The following HCRTR2 variants were observed in gnomAD, a reference collection of about 807,000 sequenced individuals.
HCRTR2 encodes hypocretin receptor 2, also known as orexin receptor type 2.
HCRTR2 carries 22 observed loss-of-function variants against 49.0 expected under a neutral mutation model. That is an observed-to-expected ratio of 0.45 (90% CI 0.32 to 0.64). The LOEUF is 0.64. Among genes scored for constraint, HCRTR2 ranks in the 30% least tolerant of loss-of-function variants. The probability of loss-of-function intolerance (pLI) is 0.04; values close to 1 mark genes in which losing one functional copy is unlikely to be tolerated. For missense variants in HCRTR2, 491 were observed against 559.4 expected (o/e 0.88, Z 1.23); for synonymous variants, 236 against 205.3 (o/e 1.15, Z -1.28).
At chr6:55,218,493 C>T (rs767456081) in intron 1 of HCRTR2, among the ~76,000 whole-genome samples, 1 of 152,148 alleles carries the variant, frequency 6.6e-6, no homozygotes, top group Admixed American at 6.5e-5. Flanking sequence ...ATACTATATG[C>T]TGTCTACAAG....
chr6:55,172,357 G>A (rs534996274), upstream of HCRTR2, among the ~76,000 whole-genome samples: 3 of 151,484 alleles, frequency 2.0e-5, no homozygotes, highest in South Asian at 4.2e-4. Flanking sequence ...CCTTCCTAAC[G>A]TTTTCCCTAT....
chr6:55,116,611 C>A (rs1764120159), intron 1 of HCRTR2, among the ~76,000 whole-genome samples: 1 of 148,312 alleles, frequency 6.7e-6, no homozygotes. Flanking sequence ...TACAATTGAT[C>A]TAAAAAAAAT....
chr6:55,165,395 TCA>T (rs1277104494), intron 1 of HCRTR2, among the ~76,000 whole-genome samples: 1 of 152,074 alleles, frequency 6.6e-6, no homozygotes, highest in Non-Finnish European at 1.5e-5. Flanking sequence ...TAAAGTCCTT[TCA>T]ATAAAGGTGT....
At chr6:55,161,108 A>T (rs1764799904) in intron 1 of HCRTR2, among the ~76,000 whole-genome samples, 1 of 152,200 alleles carries the variant, frequency 6.6e-6, no homozygotes, top group South Asian at 2.1e-4. Flanking sequence ...GCAAATGCCA[A>T]AGAACTAAAA....
chr6:55,127,973 CA>C (rs1177697742), intron 1 of HCRTR2, among the ~76,000 whole-genome samples: 2 of 152,068 alleles, frequency 1.3e-5, no homozygotes, highest in African/African-American at 4.8e-5. Flanking sequence ...TTGTTTTTGG[CA>C]TCTTTGTCAT....
intron 1 of HCRTR2, among the ~76,000 whole-genome samples, chr6:55,178,214 C>G (rs2127271208): frequency 6.6e-6 from 1 of 152,066 alleles, no homozygotes; most frequent in East Asian, 1.9e-4. Flanking sequence ...TCAGTTTAAA[C>G]ATTAAGTACC....
At chr6:55,196,135 A>G (rs1489901827) in intron 1 of HCRTR2, among the ~76,000 whole-genome samples, 1 of 152,236 alleles carries the variant, frequency 6.6e-6, no homozygotes, top group Non-Finnish European at 1.5e-5. Flanking sequence ...TGTCTTCCCA[A>G]CAACTACACT....
At chr6:55,210,930 C>T (rs138985621) in intron 1 of HCRTR2, among the ~76,000 whole-genome samples, 2 of 152,256 alleles carry the variant, frequency 1.3e-5, no homozygotes, top group East Asian at 1.9e-4. Context: ...TTTTGGTCAA[C>T]GACAGACTGC....
At chr6:55,223,346 T>G (rs1274552043) in intron 1 of HCRTR2, among the ~76,000 whole-genome samples, 1 of 152,180 alleles carries the variant, frequency 6.6e-6, no homozygotes, top group Non-Finnish European at 1.5e-5. Flanking sequence ...CATAAGTTGA[T>G]TCTATTCTCC....
At chr6:55,109,819 T>G (rs1230471387) in intron 1 of HCRTR2, among the ~76,000 whole-genome samples, 1 of 152,274 alleles carries the variant, frequency 6.6e-6, no homozygotes, top group Non-Finnish European at 1.5e-5. Flanking sequence ...TGAGGAAAAC[T>G]TCTCTGGAGG....
intron 1 of HCRTR2, among the ~76,000 whole-genome samples, chr6:55,183,159 A>T (rs1464955383): frequency 6.6e-6 from 1 of 152,216 alleles, no homozygotes; most frequent in Non-Finnish European, 1.5e-5. Context: ...ATACTTTTAA[A>T]ATAACGTGGT....
At chr6:55,204,784 C>T (rs1257061652) in intron 1 of HCRTR2, among the ~76,000 whole-genome samples, 1 of 152,034 alleles carries the variant, frequency 6.6e-6, no homozygotes, top group African/African-American at 2.4e-5. Context: ...TTCCCCTCCC[C>T]TCCCCTCCCC....
intron 1 of HCRTR2, among the ~76,000 whole-genome samples, chr6:55,111,138 T>C (rs1764043325): frequency 6.6e-6 from 1 of 151,368 alleles, no homozygotes; most frequent in Non-Finnish European, 1.5e-5. Flanking sequence ...GGGTCAACAA[T>C]GAAATCAAGA....
intron 1 of HCRTR2, among the ~76,000 whole-genome samples, chr6:55,124,340 A>G (rs917057226): frequency 6.6e-6 from 1 of 152,172 alleles, no homozygotes; most frequent in Non-Finnish European, 1.5e-5. Flanking sequence ...GTTTTACAGA[A>G]CAACTTTATT....
At chr6:55,118,100 G>A (rs769350108) in intron 1 of HCRTR2, among the ~76,000 whole-genome samples, 4 of 151,584 alleles carry the variant, frequency 2.6e-5, no homozygotes, top group Non-Finnish European at 5.9e-5. Flanking sequence ...CCCAATATGC[G>A]TCCATGTGTT....
At chr6:55,113,768 C>A (rs1764081518) in intron 1 of HCRTR2, among the ~76,000 whole-genome samples, 1 of 151,898 alleles carries the variant, frequency 6.6e-6, no homozygotes, top group Non-Finnish European at 1.5e-5. Context: ...GTAGACCTAC[C>A]ATTTGATCCA....
chr6:55,116,560 G>C lies in HCRTR2; in HGVS notation c.-378+10015G>C, dbSNP rs528541622. Among the ~76,000 whole-genome samples, 18 of 151,406 alleles carry C rather than the reference G, an allele frequency of 1.2e-4. No homozygotes were observed. In the East Asian group the frequency reaches 3.1e-3, roughly 26 times the overall value. On this transcript the variant is annotated intron_variant, in intron 1 of 7. Coordinates refer to the HCRTR2 transcript ENST00000615358. ...AAGGAGAGAAAAGAATCACCAATTT[G>C]TGGTTAAAATTAAAAATATTTCTTC...
chr6:55,110,571 T>A (rs181405287), intron 1 of HCRTR2, among the ~76,000 whole-genome samples: 29 of 150,560 alleles, frequency 1.9e-4, no homozygotes, highest in African/African-American at 6.8e-4. Context: ...CAAGTAGGAG[T>A]AGCTATTCTT....
intron 1 of HCRTR2, among the ~76,000 whole-genome samples, chr6:55,225,800 A>G (rs1407995225): frequency 1.3e-5 from 2 of 152,254 alleles, no homozygotes; most frequent in African/African-American, 2.4e-5. Flanking sequence ...AACTAAAAGT[A>G]TAATTTCCAT....
Sources: allele counts gnomAD v4.1 joint callset (sites outside exome capture counted in the v4.1 genomes callset), GRCh38; gene constraint gnomAD v4.1.1; transcripts MANE v1.5; gene names NCBI Gene and HGNC (gene_info 2026-07-23, HGNC 2026-07-21).